CLIP1: variants seen among roughly 807,000 people sequenced by gnomAD.
CLIP1 encodes CAP-Gly domain-containing linker protein 1.
A neutral mutation model predicts 161.6 loss-of-function variants in CLIP1; 66 were observed. That is an observed-to-expected ratio of 0.41 (90% CI 0.33 to 0.50). The LOEUF is 0.50. CLIP1 is among the 20% of genes least tolerant of loss of function. The pLI is 0.27. For missense variants in CLIP1, 1,376 were observed against 1,702.0 expected (o/e 0.81, Z 3.37); for synonymous variants, 598 against 626.2 (o/e 0.96, Z 0.67).
Position 122,341,692 on chromosome 12 carries a change from A to T in CLIP1, c.1512T>A (p.Ala504=), listed in dbSNP as rs1473455692. The T allele has an allele frequency of 2.6e-6, 4 of 1,557,696 alleles. No individual in the cohort carries two copies. The highest frequency in any genetic ancestry group is 1.4e-5 in the African/African-American group (1 of 72,778). Residue 504 remains alanine, a synonymous_variant, in exon 11 of 26, where the codon GCT becomes GCA. Coordinates refer to ENST00000620786, the MANE Select transcript of CLIP1 (RefSeq NM_001247997.2). The part of the protein sequence containing the change: ...LQRELEDTRV[A]TVSEKSRIME... ...TTATACGTGACTTTTCTGAAACTGT[A>T]GCCACCTATTAACAGCAGTCCAAAG...
chr12:122,346,805 C>T (rs921839033), intron 10 of CLIP1, among the ~76,000 whole-genome samples: 8 of 152,134 alleles, frequency 5.3e-5, no homozygotes, highest in Non-Finnish European at 4.4e-5. Context: ...GCCCAGTGTC[C>T]ACTGAGGTTT....
chr12:122,383,239 C>A (rs1483508676), intron 1 of CLIP1, among the ~76,000 whole-genome samples: 2 of 152,162 alleles, frequency 1.3e-5, no homozygotes, highest in African/African-American at 4.8e-5. Context: ...AAACCTTTTA[C>A]GGTGACAAAA....
In CLIP1 at chr12:122,271,736, G is replaced by A. The variant is rs749422192; in HGVS notation, c.*1139C>T. 5 of 152,584 alleles carry A rather than the reference G, an allele frequency of 3.3e-5. No individual in the cohort carries two copies. The highest frequency in any genetic ancestry group is 1.3e-4 in the Admixed American group (2 of 15,280). 9.5% of individuals were successfully genotyped at this position (152,584 alleles called of 1,614,324 possible). A position where few individuals can be genotyped will look rare whatever the true frequency, so the allele number is the denominator to read the frequency against. ...GAAGATAAATAGATTCAAACTGGTC[G>A]ATAAACTGTTCAGGTGCTTTGAGGT... On this transcript the variant is annotated 3_prime_UTR_variant, in exon 26 of 26. Transcript: ENST00000620786.
chr12:122,390,249 T>TAC (rs1955566082), intron 1 of CLIP1, among the ~76,000 whole-genome samples: 1 of 101,686 alleles, frequency 9.8e-6, no homozygotes, highest in Non-Finnish European at 1.9e-5. Context: ...CACATATATA[T>TAC]ACACATATAT....
At chr12:122,378,276 G>A (rs142144218) in intron 2 of CLIP1, among the ~76,000 whole-genome samples, 113 of 152,096 alleles carry the variant, frequency 7.4e-4, no homozygotes, top group Non-Finnish European at 1.4e-3. Flanking sequence ...TAGTAGAGAC[G>A]GGGTCTCACC....
intron 17 of CLIP1, chr12:122,322,213 G>T (rs1951532471): frequency 6.6e-6 from 1 of 152,586 alleles, no homozygotes; most frequent in Admixed American, 6.5e-5. Flanking sequence ...CTAGGAGATT[G>T]GCTGAAATAT....
intron 21 of CLIP1, among the ~76,000 whole-genome samples, chr12:122,282,147 T>C (rs951068124): frequency 1.3e-5 from 2 of 152,244 alleles, no homozygotes; most frequent in African/African-American, 4.8e-5. Context: ...ATTTGACTTG[T>C]GATTTATACA....
intron 25 of CLIP1, 78 bp downstream of exon 25, chr12:122,273,960 G>T: frequency 1.5e-6 from 2 of 1,302,470 alleles, no homozygotes; most frequent in Non-Finnish European, 1.1e-6. Flanking sequence ...TCGAACTCCT[G>T]ACCCTCAAGT....
At chr12:122,400,723 A>G (rs1204559703) in intron 1 of CLIP1, 1 of 152,162 alleles carries the variant, frequency 6.6e-6, no homozygotes, top group East Asian at 1.9e-4. Flanking sequence ...TTCGCATCCA[A>G]CGAATCTAAA....
At chr12:122,321,005 G>C (rs1004299250) in intron 17 of CLIP1, among the ~76,000 whole-genome samples, 27 of 148,826 alleles carry the variant, frequency 1.8e-4, no homozygotes, top group African/African-American at 6.2e-4. Context: ...ACCGCACCCG[G>C]TGAGACTCTG....
chr12:122,352,336 C>A (rs997008909), intron 8 of CLIP1, among the ~76,000 whole-genome samples: 7 of 152,122 alleles, frequency 4.6e-5, no homozygotes, highest in Non-Finnish European at 1.0e-4. Context: ...GGATTACAGG[C>A]GTGAACCACC....
At chr12:122,345,822 G>A (rs1952721881) in intron 10 of CLIP1, among the ~76,000 whole-genome samples, 1 of 148,934 alleles carries the variant, frequency 6.7e-6, no homozygotes, top group South Asian at 2.1e-4. Context: ...TTTCGCTCTT[G>A]TTGCCCAGGC....
intron 20 of CLIP1, among the ~76,000 whole-genome samples, chr12:122,306,284 T>C (rs1950871471): frequency 6.6e-6 from 1 of 152,034 alleles, no homozygotes; most frequent in African/African-American, 2.4e-5. Context: ...TTGATATCTA[T>C]CTATCCTACT....
chr12:122,278,723 T>C (rs928378696), intron 23 of CLIP1, 69 bp downstream of exon 23: 3 of 1,462,244 alleles, frequency 2.1e-6, no homozygotes, highest in African/African-American at 1.4e-5. Flanking sequence ...TCGAAGAGCA[T>C]CTCTACTAGA....
intron 14 of CLIP1, 49 bp downstream of exon 14, chr12:122,333,978 G>T: frequency 8.7e-7 from 1 of 1,143,274 alleles, no homozygotes; most frequent in South Asian, 1.3e-5. Flanking sequence ...TCTCGAATAC[G>T]GGAAAGCCTA....
At chr12:122,405,895 C>A (rs1240719949) in intron 1 of CLIP1, among the ~76,000 whole-genome samples, 2 of 152,048 alleles carry the variant, frequency 1.3e-5, no homozygotes, top group African/African-American at 2.4e-5. Context: ...TTGGTGAAAC[C>A]CCCTCTCTAC....
intron 5 of CLIP1, 131 bp downstream of exon 5, chr12:122,360,828 T>C (rs1203117104): frequency 1.3e-6 from 1 of 747,774 alleles, no homozygotes; most frequent in East Asian, 2.8e-5. Flanking sequence ...GCAAAGACTT[T>C]CACAGCAAAA....
intron 19 of CLIP1, among the ~76,000 whole-genome samples, chr12:122,313,449 G>C (rs772950455): frequency 3.3e-5 from 5 of 152,208 alleles, no homozygotes; most frequent in Admixed American, 1.3e-4. Flanking sequence ...TCACCTGGCC[G>C]GGCGTGGTGG....
In CLIP1 at chr12:122,340,780, C is replaced by T; in HGVS notation, c.2424G>A (p.Glu808=). 2.5e-6 allele frequency: 4 copies of T among 1,594,158 alleles called. No individual in the cohort carries two copies. The highest frequency in any genetic ancestry group is 3.4e-6 in the Non-Finnish European group (4 of 1,171,182). ...TGCTACTTTCAGCATTCTTTTCAATCTCTAAATGTTTAATCTGTTTCTCAG... is the reference window on the plus strand; with the variant it reads ...TGCTACTTTCAGCATTCTTTTCAATTTCTAAATGTTTAATCTGTTTCTCAG... ...EAAEKQIKHL[E]IEKNAESSKA... The change falls in exon 11 of 26, where the codon GAG becomes GAA. Residue 808 remains glutamate (E), a synonymous_variant. Transcript: ENST00000620786.
Sources: gnomAD v4.1 joint callset for allele counts (sites outside exome capture counted in the v4.1 genomes callset) on GRCh38, gnomAD v4.1.1 for gene constraint, MANE v1.5 for transcripts, NCBI Gene and HGNC (gene_info 2026-07-23, HGNC 2026-07-21) for gene names.